Variants in CYFIP1 observed in about 807,000 individuals in gnomAD.
CYFIP1 encodes the protein cytoplasmic FMR1-interacting protein 1.
A neutral mutation model predicts 163.5 loss-of-function variants in CYFIP1; 58 were observed. The observed-to-expected ratio is 0.35, with a 90% confidence interval of 0.29 to 0.44. The LOEUF is 0.44. Among genes scored for constraint, CYFIP1 ranks in the 20% least tolerant of loss-of-function variants. CYFIP1 has a pLI of 1.00. For missense variants in CYFIP1, 1,338 were observed against 1,653.8 expected (o/e 0.81, Z 3.31); for synonymous variants, 663 against 660.7 (o/e 1.00, Z -0.05).
chr15:22,868,677 C>CACTTACTT lies in CYFIP1; in HGVS notation c.*1350_*1351insAAGTAAGT, dbSNP rs57204764. The CACTTACTT allele has an allele frequency of 6.6e-3, 1,002 of 152,096 alleles. 12 individuals are homozygous for CACTTACTT. Among genetic ancestry groups the CACTTACTT allele is most frequent in the African/African-American group, 0.023 (947 of 41,412 alleles). The allele number at this position is 152,096 out of a possible 1,614,324, so 9.4% of individuals were successfully genotyped here. On this transcript the variant is annotated 3_prime_UTR_variant, in exon 31 of 31. Coordinates refer to ENST00000617928, the MANE Select transcript of CYFIP1 (RefSeq NM_014608.6). ...TGGCAGTGTAACAGGATGGTTCGTA[C>CACTTACTT]ACTTACTACTTTTCTGTGCCGTGCA...
intron 14 of CYFIP1, among the ~76,000 whole-genome samples, chr15:22,918,366 G>A (rs984916501): frequency 1.3e-5 from 2 of 152,118 alleles, no homozygotes. Flanking sequence ...TTGGAACACA[G>A]CCTCATCACC....
intron 23 of CYFIP1, among the ~76,000 whole-genome samples, chr15:22,883,367 C>T (rs2059824715): frequency 3.3e-5 from 5 of 152,104 alleles, no homozygotes; most frequent in Admixed American, 6.5e-5. Context: ...CTGAAGGGGC[C>T]GGGGGAGCTG....
Position 22,944,610 on chromosome 15 carries a change from AC to A in CYFIP1, c.334del (p.Val112TrpfsTer11). 6.2e-7 allele frequency: 1 copy of A among 1,613,882 alleles called. No individual in the cohort carries two copies. The highest frequency in any genetic ancestry group is 8.5e-7 in the Non-Finnish European group (1 of 1,179,866). The stretch of plus-strand genomic sequence containing the variant: ...TGTGACCTCAGGCTCCAGAACCTCC[AC>A]GGTTTTCTCGTAGATTTCCACTCTG... ...PNRVEIYEKT[V>X]EVLEPEVTKL... On this transcript the variant is annotated frameshift_variant, in exon 5 of 31. Transcript: ENST00000617928. LOFTEE classifies it high-confidence loss of function.
chr15:22,971,142 G>A (rs189117565), intron 1 of CYFIP1, among the ~76,000 whole-genome samples: 3 of 152,138 alleles, frequency 2.0e-5, no homozygotes, highest in Admixed American at 6.6e-5. Flanking sequence ...CCTAAACATC[G>A]GATCTAAAAC....
At chr15:22,881,560 G>A (rs2059763183) in intron 25 of CYFIP1, among the ~76,000 whole-genome samples, 1 of 152,078 alleles carries the variant, frequency 6.6e-6, no homozygotes, top group African/African-American at 2.4e-5. Context: ...CAGGGCAGCA[G>A]GACCCAGCAG....
At chr15:22,930,124 C>T (rs902302365) in intron 11 of CYFIP1, among the ~76,000 whole-genome samples, 8 of 151,378 alleles carry the variant, frequency 5.3e-5, no homozygotes, top group Admixed American at 4.0e-4. Context: ...TTTGGGAGGC[C>T]GAGACGGGTG....
intron 1 of CYFIP1, among the ~76,000 whole-genome samples, chr15:22,950,103 A>G (rs2062201390): frequency 6.6e-6 from 1 of 152,230 alleles, no homozygotes; most frequent in Non-Finnish European, 1.5e-5. Flanking sequence ...AAAGATAGTG[A>G]TCTAACAGAA....
At chr15:22,913,527 C>CAAAAAAAAAAAAAAAAAAAAAA (rs35228444) in intron 17 of CYFIP1, among the ~76,000 whole-genome samples, 1 of 10,286 alleles carries the variant, frequency 9.7e-5, no homozygotes, top group Non-Finnish European at 1.7e-4. Flanking sequence ...GGCTCTGTCT[C>CAAAAAAAAAAAAAAAAAAAAAA]AAAAAAAAAA....
Position 22,873,513 on chromosome 15 carries a change from C to T in CYFIP1, c.3427G>A (p.Gly1143Arg). 6.2e-7 allele frequency: 1 copy of T among 1,614,046 alleles called. No individual in the cohort carries two copies. ...TACTCGACTGTGAACTCGTGTGTCC[C>T]CACGGGAATGCAGTAGACAAACTGC... ...AMQFVYCIPV[G>R]THEFTVEQCF... The change falls in exon 29 of 31, where the codon GGG becomes AGG. Residue 1143 changes from glycine to arginine, a missense_variant. This residue lies in a region of CYFIP1 where 306 missense variants were observed against 322.1 expected (regional missense o/e 0.95). Transcript: ENST00000617928.
chr15:22,976,575 T>G (rs917396512), intron 1 of CYFIP1, among the ~76,000 whole-genome samples: 1 of 152,154 alleles, frequency 6.6e-6, no homozygotes, highest in Non-Finnish European at 1.5e-5. Flanking sequence ...CCTCCAAAAA[T>G]AGGTGAGTGC....
chr15:22,977,466 A>G (rs1431795546), intron 1 of CYFIP1, among the ~76,000 whole-genome samples: 1 of 152,184 alleles, frequency 6.6e-6, no homozygotes, highest in African/African-American at 2.4e-5. Flanking sequence ...ATGGCCTCTA[A>G]GGGTTGGCTA....
At chr15:22,962,812 G>A (rs986245985) in intron 1 of CYFIP1, among the ~76,000 whole-genome samples, 1 of 152,152 alleles carries the variant, frequency 6.6e-6, no homozygotes, top group Non-Finnish European at 1.5e-5. Flanking sequence ...CTGCTATTAC[G>A]AGACGCATGC....
intron 3 of CYFIP1, among the ~76,000 whole-genome samples, chr15:22,945,771 C>A (rs1406362240): frequency 1.3e-5 from 2 of 150,416 alleles, no homozygotes; most frequent in African/African-American, 4.9e-5. Flanking sequence ...TTTGTAGAGA[C>A]AGGGTTTCAC....
intron 8 of CYFIP1, among the ~76,000 whole-genome samples, chr15:22,937,601 TTTG>T (rs1232399488): frequency 6.6e-6 from 1 of 150,552 alleles, no homozygotes; most frequent in Non-Finnish European, 1.5e-5. Flanking sequence ...AAATTCTTTT[TTTG>T]TTTTTTTTTT....
chr15:22,873,556 G>A lies in CYFIP1; in HGVS notation c.3384C>T (p.His1128=), dbSNP rs2059495155. The A allele has an allele frequency of 1.9e-6, 3 of 1,614,094 alleles. No individual in the cohort carries two copies. Among genetic ancestry groups the A allele is most frequent in the Admixed American group, 3.3e-5 (2 of 60,004 alleles). Residue 1128 remains histidine (H), a synonymous_variant, in exon 29 of 31, where the codon CAC becomes CAT. Coordinates refer to ENST00000617928, the MANE Select transcript of CYFIP1 (RefSeq NM_014608.6). ...VMHVDECVEF[H]RLWSAMQFVY... ...CAAACTGCATGGCACTCCACAGTCT[G>A]TGAAACTCCACACACTCGTCCACAT...
rs762363543 is a variant in CYFIP1 at position 22,867,848 on chromosome 15, G to GTT, written c.*2178_*2179dup. On this transcript the variant is annotated 3_prime_UTR_variant, in exon 31 of 31. Transcript: ENST00000617928. ...CTACATATTTTGGTTTCTAGAAAAT[G>GTT]TTTGTTTATGAAGAAGTCGATGGAA... 3 of 152,072 alleles carry GTT rather than the reference G, an allele frequency of 2.0e-5. No individual in the cohort carries two copies. The highest frequency in any genetic ancestry group is 4.4e-5 in the Non-Finnish European group (3 of 68,002). The allele number at this position is 152,072 out of a possible 1,614,324, so 9.4% of individuals were successfully genotyped here.
intron 24 of CYFIP1, 115 bp from the exon 25 acceptor site, chr15:22,882,051 G>T: frequency 2.4e-6 from 2 of 836,302 alleles, no homozygotes; most frequent in South Asian, 3.2e-5. Context: ...AACCAGCAAG[G>T]CTGCAGGATC....
At chr15:22,935,760 A>G (rs377523160) in intron 9 of CYFIP1, among the ~76,000 whole-genome samples, 3 of 152,198 alleles carry the variant, frequency 2.0e-5, no homozygotes. Flanking sequence ...AAATATGCTA[A>G]AAGAGTAGAT....
chr15:22,933,916 TAG>T (rs1168124499), intron 9 of CYFIP1, 23 bp from the exon 10 acceptor site: 4 of 1,543,914 alleles, frequency 2.6e-6, no homozygotes, highest in African/African-American at 2.7e-5. Context: ...AACAAAAAAA[TAG>T]AGTCATTATG....
Sources: allele counts gnomAD v4.1 joint callset (sites outside exome capture counted in the v4.1 genomes callset), GRCh38; gene constraint gnomAD v4.1.1; regional missense constraint gnomAD v4.1.1; transcripts MANE v1.5; gene names NCBI Gene and HGNC (gene_info 2026-07-23, HGNC 2026-07-21).